Variants in IL1RAPL2 observed in about 807,000 individuals in gnomAD.
IL1RAPL2 encodes X-linked interleukin-1 receptor accessory protein-like 2.
In IL1RAPL2, 3 loss-of-function variants were observed where a neutral mutation model predicts 44.1. The ratio of observed to expected loss-of-function variants is 0.07; its 90% CI spans 0.03 to 0.18. IL1RAPL2 has a LOEUF of 0.18. Ranked by LOEUF, IL1RAPL2 falls within the 10% of genes least tolerant of loss-of-function variation. IL1RAPL2 has a pLI of 1.00. For synonymous variants in IL1RAPL2, 181 were observed against 178.8 expected, an observed-to-expected ratio of 1.01 and a Z score of -0.10; for missense variants, 391 against 496.4, an observed-to-expected ratio of 0.79 and a Z score of 2.02.
At chrX:104,948,476 G>A (rs1260857425) in intron 2 of IL1RAPL2, among the ~76,000 whole-genome samples, 1 of 96,194 alleles carries the variant, frequency 1.0e-5, no homozygotes, top group Non-Finnish European at 2.1e-5. Flanking sequence ...TGGTGAGAGA[G>A]GGCATCCCTG....
intron 5 of IL1RAPL2, among the ~76,000 whole-genome samples, chrX:105,463,539 CTCTG>C (rs1215109785): frequency 5.6e-5 from 5 of 89,074 alleles, no homozygotes; most frequent in Admixed American, 4.1e-4. Context: ...ACTTCTCTCT[CTCTG>C]TCTGTCTCTC....
At chrX:105,340,459 G>A (rs1295128152) in intron 5 of IL1RAPL2, among the ~76,000 whole-genome samples, 1 of 111,989 alleles carries the variant, frequency 8.9e-6, no homozygotes, top group Non-Finnish European at 1.9e-5. Context: ...TAAAAGCTTA[G>A]GCTCCTTTAG....
At chrX:104,990,331 C>T (rs1484434447) in intron 2 of IL1RAPL2, among the ~76,000 whole-genome samples, 2 of 112,081 alleles carry the variant, frequency 1.8e-5, no homozygotes, top group Non-Finnish European at 1.9e-5. Flanking sequence ...TATTCTTCCT[C>T]ATTTGTATCA....
rs201903900 is a variant in IL1RAPL2, at chrX:104,899,031, T to C, written c.82+240036T>C. Among the ~76,000 whole-genome samples, 4 of 112,403 alleles carry C rather than the reference T, an allele frequency of 3.6e-5. No individual in the cohort carries two copies. In the East Asian group the frequency reaches 8.4e-4, roughly 24 times the overall value. The stretch of plus-strand genomic sequence containing the variant: ...TTGAATTAAACAGATTAAGTCGTAG[T>C]ATTGCTATTCCAATTGCTTGTCATT... On this transcript the variant is annotated intron_variant, in intron 2 of 10. Transcript: ENST00000372582.
At chrX:105,505,731 T>C in intron 6 of IL1RAPL2, among the ~76,000 whole-genome samples, 1 of 111,509 alleles carries the variant, frequency 9.0e-6, no homozygotes, top group Non-Finnish European at 1.9e-5. Flanking sequence ...TTAAAGAAGT[T>C]TCATGATGTA....
At chrX:104,647,949 C>A in intron 1 of IL1RAPL2, 1 of 791,294 alleles carries the variant, frequency 1.3e-6, no homozygotes, top group Non-Finnish European at 1.9e-6. Flanking sequence ...CTTCCTACAA[C>A]AGCTAAGGCC....
intron 2 of IL1RAPL2, among the ~76,000 whole-genome samples, chrX:105,177,404 A>G (rs2033485286): frequency 9.0e-6 from 1 of 110,938 alleles, no homozygotes; most frequent in South Asian, 3.8e-4. Flanking sequence ...TAATTATTTT[A>G]TTATATATTA....
chrX:105,023,556 C>G (rs1386075512), intron 2 of IL1RAPL2, among the ~76,000 whole-genome samples: 3 of 111,490 alleles, frequency 2.7e-5, no homozygotes, highest in Non-Finnish European at 5.7e-5. Flanking sequence ...GTGTCCAACA[C>G]AAAATAGCAT....
At chrX:105,570,342 C>T (rs1019160497) in intron 6 of IL1RAPL2, among the ~76,000 whole-genome samples, 8 of 111,942 alleles carry the variant, frequency 7.1e-5, no homozygotes, top group African/African-American at 1.3e-4. Flanking sequence ...TATATCCACT[C>T]GTTGGTTAAT....
At chrX:104,587,353 A>G (rs948284397) in intron 1 of IL1RAPL2, among the ~76,000 whole-genome samples, 3 of 112,014 alleles carry the variant, frequency 2.7e-5, no homozygotes, top group Non-Finnish European at 5.6e-5. Context: ...ATCTTGACAT[A>G]GTAGTCCTGG....
At chrX:105,356,592 A>T (rs762661660) in intron 5 of IL1RAPL2, among the ~76,000 whole-genome samples, 1 of 111,557 alleles carries the variant, frequency 9.0e-6, no homozygotes, top group East Asian at 2.8e-4. Context: ...ATTTTACAGG[A>T]TGTGCCACAA....
intron 5 of IL1RAPL2, among the ~76,000 whole-genome samples, chrX:105,453,263 G>A (rs1333561729): frequency 8.9e-6 from 1 of 111,793 alleles, no homozygotes; most frequent in Non-Finnish European, 1.9e-5. Flanking sequence ...GTAAACTCTT[G>A]GTAAATATTG....
At chrX:104,772,560 T>A (rs1051988042) in intron 2 of IL1RAPL2, among the ~76,000 whole-genome samples, 5 of 112,265 alleles carry the variant, frequency 4.5e-5, no homozygotes, top group African/African-American at 1.6e-4. Context: ...AATATTGCCT[T>A]GTTAAAGGTA....
At chrX:105,008,850 C>G (rs768736487) in intron 2 of IL1RAPL2, among the ~76,000 whole-genome samples, 5 of 111,521 alleles carry the variant, frequency 4.5e-5, no homozygotes, top group African/African-American at 1.6e-4. Context: ...GCAATCTACC[C>G]ATCTGACAAA....
chrX:104,916,785 T>C (rs1053009302), intron 2 of IL1RAPL2, among the ~76,000 whole-genome samples: 7 of 111,635 alleles, frequency 6.3e-5, no homozygotes, highest in African/African-American at 2.3e-4. Context: ...TGAAGGGTTG[T>C]TGAATTTTGT....
chrX:104,818,300 C>T (rs1303319876), intron 2 of IL1RAPL2, among the ~76,000 whole-genome samples: 7 of 96,874 alleles, frequency 7.2e-5, no homozygotes, highest in Non-Finnish European at 1.0e-4. Context: ...GCCAAGATCG[C>T]GCCACTGCAC....
intron 5 of IL1RAPL2, among the ~76,000 whole-genome samples, chrX:105,270,281 G>A (rs1413014088): frequency 9.0e-6 from 1 of 111,574 alleles, no homozygotes; most frequent in African/African-American, 3.3e-5. Context: ...TTGTGAGTAT[G>A]TTAGTTCACA....
intron 1 of IL1RAPL2, among the ~76,000 whole-genome samples, chrX:104,604,726 G>A (rs1455440520): frequency 3.7e-5 from 4 of 107,927 alleles, no homozygotes; most frequent in Non-Finnish European, 7.7e-5. Context: ...GACAAAGAAG[G>A]CCATTACATA....
At position 105,464,371 on chromosome X, in the gene IL1RAPL2, T is replaced by C. The variant is rs148151898; in HGVS notation, c.698-19942T>C. On this transcript the variant is annotated intron_variant, in intron 5 of 10. Transcript: ENST00000372582. Reference sequence around the variant, plus strand: ...AAGGTCATATAGCTAATAAGCACAATAAGTCTTCACTTAATGTCATCAATA... The same window carrying C: ...AAGGTCATATAGCTAATAAGCACAACAAGTCTTCACTTAATGTCATCAATA... 3.0e-3 allele frequency among the ~76,000 whole-genome samples: 331 copies of C among 111,675 alleles called. 2 individuals carry two copies. Among genetic ancestry groups the C allele is most frequent in the Admixed American group, 0.025 (261 of 10,498 alleles).
Sources: gnomAD v4.1 joint callset for allele counts (sites outside exome capture counted in the v4.1 genomes callset) on GRCh38, gnomAD v4.1.1 for gene constraint, MANE v1.5 for transcripts, NCBI Gene and HGNC (gene_info 2026-07-23, HGNC 2026-07-21) for gene names.